The following AHI1 variants were observed in gnomAD, a reference collection of about 807,000 sequenced individuals.
AHI1 encodes the protein jouberin.
In AHI1, 123 loss-of-function variants were observed where a neutral mutation model predicts 149.3. The ratio of observed to expected loss-of-function variants is 0.82; its 90% confidence interval spans 0.71 to 0.96. The LOEUF is 0.96. Ranked by LOEUF, AHI1 falls within the 40% of genes least tolerant of loss-of-function variation. The probability of loss-of-function intolerance (pLI) is 0.00; values close to 1 mark genes in which losing one functional copy is unlikely to be tolerated. For missense variants in AHI1, 1,439 were observed against 1,422.7 expected, an observed-to-expected ratio of 1.01 and a Z score of -0.18; for synonymous variants, 475 against 459.8, an observed-to-expected ratio of 1.03 and a Z score of -0.42.
At chr6:135,373,410 T>A (rs1360968441) in intron 23 of AHI1, among the ~76,000 whole-genome samples, 1 of 152,200 alleles carries the variant, frequency 6.6e-6, no homozygotes, top group Non-Finnish European at 1.5e-5. Context: ...TCTATGATAT[T>A]TGCATAATGA....
At chr6:135,408,041 A>C (rs1028048086) in intron 21 of AHI1, among the ~76,000 whole-genome samples, 1 of 152,122 alleles carries the variant, frequency 6.6e-6, no homozygotes, top group African/African-American at 2.4e-5. Flanking sequence ...TCTCAAAAAA[A>C]AAAAAAAATT....
At chr6:135,286,497 A>C (rs1342509245) in intron 28 of AHI1, 1 of 152,222 alleles carries the variant, frequency 6.6e-6, no homozygotes, top group East Asian at 1.9e-4. Flanking sequence ...AATCTGGTTA[A>C]GGTAGCAGTC....
chr6:135,490,757 A>G lies in AHI1; in HGVS notation c.11-10T>C. ...TTTGCTTCACTCTCAGCTACAAAAG[A>G]TACAGCCATGTGATTTTGTAAATGA... On this transcript the variant is annotated splice_polypyrimidine_tract_variant and intron_variant, in intron 4 of 28. Transcript: ENST00000265602. 6.2e-7 allele frequency: 1 copy of G among 1,611,810 alleles called. No homozygotes were observed. Among genetic ancestry groups the G allele is most frequent in the Non-Finnish European group, 8.5e-7 (1 of 1,179,000 alleles).
chr6:135,295,931 C>A (rs1783028479), intron 27 of AHI1, among the ~76,000 whole-genome samples: 1 of 152,226 alleles, frequency 6.6e-6, no homozygotes, highest in South Asian at 2.1e-4. Flanking sequence ...CGGCTCACTG[C>A]AATCTCCACC....
intron 27 of AHI1, 126 bp downstream of exon 27, chr6:135,300,373 TA>T: frequency 9.0e-7 from 1 of 1,110,914 alleles, no homozygotes; most frequent in Non-Finnish European, 1.2e-6. Context: ...TAAACTCCTT[TA>T]AAATCAACTA....
chr6:135,356,787 T>C (rs1165171757), intron 24 of AHI1, among the ~76,000 whole-genome samples: 3 of 152,174 alleles, frequency 2.0e-5, no homozygotes, highest in African/African-American at 7.2e-5. Context: ...ATTATGCTAA[T>C]TCCTCATGTA....
chr6:135,349,251 G>A (rs1294077558), intron 24 of AHI1, among the ~76,000 whole-genome samples: 1 of 152,174 alleles, frequency 6.6e-6, no homozygotes, highest in Non-Finnish European at 1.5e-5. Context: ...GCCTCTCAAA[G>A]TGCTGGCAGG....
At chr6:135,348,557 A>C (rs1338162454) in intron 24 of AHI1, among the ~76,000 whole-genome samples, 1 of 151,466 alleles carries the variant, frequency 6.6e-6, no homozygotes, top group Non-Finnish European at 1.5e-5. Context: ...AATTACTTAA[A>C]AATAAAAACT....
At chr6:135,432,387 C>T (rs1056097676) in intron 16 of AHI1, among the ~76,000 whole-genome samples, 1 of 152,132 alleles carries the variant, frequency 6.6e-6, no homozygotes, top group Admixed American at 6.6e-5. Context: ...GAGTCTCACT[C>T]TGTCGCCCAG....
At chr6:135,351,135 C>CAAAAAAAAAAAAAAA (rs1183574427) in intron 24 of AHI1, among the ~76,000 whole-genome samples, 1 of 131,384 alleles carries the variant, frequency 7.6e-6, no homozygotes, top group African/African-American at 3.4e-5. Flanking sequence ...AAACAAAAAA[C>CAAAAAAAAAAAAAAA]AAAAAAAACA....
rs1007662591 is a variant in AHI1 at position 135,322,086 on chromosome 6, A to T, written c.3328+1076T>A. ...CCAAAGTGCTGGGATTACAGGCGTGAGCCACAGTGCCTGGCCCGCCTATAC... is the reference window on the plus strand; with the variant it reads ...CCAAAGTGCTGGGATTACAGGCGTGTGCCACAGTGCCTGGCCCGCCTATAC... On this transcript the variant is annotated intron_variant, in intron 25 of 28. Transcript: ENST00000265602. Among the ~76,000 whole-genome samples the T allele has an allele frequency of 7.2e-5, 11 of 152,372 alleles. 1 individual carries two copies. Among genetic ancestry groups the T allele is most frequent in the Admixed American group, 7.2e-4 (11 of 15,302 alleles).
intron 22 of AHI1, among the ~76,000 whole-genome samples, chr6:135,402,882 G>A (rs1244368513): frequency 2.6e-5 from 4 of 152,072 alleles, no homozygotes; most frequent in Non-Finnish European, 5.9e-5. Flanking sequence ...AACAGCAGGC[G>A]ATGAGTACTT....
chr6:135,428,550 C>A, intron 19 of AHI1, 79 bp downstream of exon 19: 6 of 1,385,184 alleles, frequency 4.3e-6, no homozygotes, highest in East Asian at 2.6e-5. Flanking sequence ...AAAATTATTC[C>A]ATAAAATGGT....
chr6:135,334,366 G>A (rs1789053865), intron 24 of AHI1, among the ~76,000 whole-genome samples: 2 of 152,278 alleles, frequency 1.3e-5, no homozygotes, highest in South Asian at 2.1e-4. Flanking sequence ...GACACAGCAT[G>A]ATGATGTCAT....
chr6:135,398,172 T>G (rs1333465306), intron 22 of AHI1, among the ~76,000 whole-genome samples: 11 of 151,646 alleles, frequency 7.3e-5, no homozygotes, highest in Admixed American at 4.6e-4. Flanking sequence ...TCAAGATATT[T>G]GAAGTCAGGT....
intron 23 of AHI1, among the ~76,000 whole-genome samples, chr6:135,390,821 A>G (rs1398396621): frequency 6.6e-6 from 1 of 152,222 alleles, no homozygotes; most frequent in Non-Finnish European, 1.5e-5. Flanking sequence ...TCAAATAAGG[A>G]TATATATGAA....
chr6:135,397,463 T>C (rs1189320284), intron 22 of AHI1, among the ~76,000 whole-genome samples: 8 of 152,034 alleles, frequency 5.3e-5, no homozygotes. Context: ...GTCAGTTTAA[T>C]ACCTCCATAT....
intron 5 of AHI1, among the ~76,000 whole-genome samples, chr6:135,489,545 A>G (rs1316670384): frequency 6.6e-6 from 1 of 152,108 alleles, no homozygotes; most frequent in Non-Finnish European, 1.5e-5. Flanking sequence ...TCAATAAGCA[A>G]TGTTTCATCC....
chr6:135,316,368 G>A (rs1785949577), intron 26 of AHI1, among the ~76,000 whole-genome samples: 1 of 151,474 alleles, frequency 6.6e-6, no homozygotes, highest in South Asian at 2.1e-4. Flanking sequence ...GAAACTTTGA[G>A]AATGGCTTCC....
Sources: allele counts gnomAD v4.1 joint callset (sites outside exome capture counted in the v4.1 genomes callset), GRCh38; gene constraint gnomAD v4.1.1; transcripts MANE v1.5; gene names NCBI Gene and HGNC (gene_info 2026-07-23, HGNC 2026-07-21).